MAP3K2: variants seen among roughly 807,000 people sequenced by gnomAD.
MAP3K2 encodes the protein MAP/ERK kinase kinase 2.
In MAP3K2, 24 loss-of-function variants were observed where a neutral mutation model predicts 80.3. The ratio of observed to expected loss-of-function variants is 0.30; its 90% CI spans 0.22 to 0.42. The LOEUF (loss-of-function observed/expected upper bound fraction) is 0.42, where lower values mean the gene tolerates loss of function less well. Ranked by LOEUF, MAP3K2 falls within the 10% of genes least tolerant of loss-of-function variation. The pLI, the probability that MAP3K2 is intolerant of heterozygous loss-of-function variation, is 1.00. For synonymous variants in MAP3K2, 244 were observed against 253.7 expected (o/e 0.96, Z 0.36); for missense variants, 608 against 750.1 (o/e 0.81, Z 2.21).
Position 127,321,234 on chromosome 2 carries a change from A to G in MAP3K2, c.1045+812T>C, listed in dbSNP as rs1686015035. ...TTCAGGCAGAAGGAATTTGATACCCAATAGATCTTGGATCTGTCTTTGTTT... is the reference window on the plus strand; with the variant it reads ...TTCAGGCAGAAGGAATTTGATACCCGATAGATCTTGGATCTGTCTTTGTTT... On this transcript the variant is annotated intron_variant, in intron 12 of 16. Coordinates refer to ENST00000682094, the MANE Select transcript of MAP3K2 (RefSeq NM_001371910.2). The surrounding 1 kb of genome is among the most constrained non-coding windows in gnomAD (Gnocchi z 4.4). Among the ~76,000 whole-genome samples, 1 of 152,250 alleles carries G rather than the reference A, an allele frequency of 6.6e-6. No individual in the cohort carries two copies. Among genetic ancestry groups the G allele is most frequent in the Non-Finnish European group, 1.5e-5 (1 of 68,046 alleles).
At chr2:127,365,323 T>C (rs1686954165) in intron 1 of MAP3K2, among the ~76,000 whole-genome samples, 1 of 151,994 alleles carries the variant, frequency 6.6e-6, no homozygotes, top group Non-Finnish European at 1.5e-5. Flanking sequence ...TGAGCCTTGA[T>C]CCATAAAACA....
intron 4 of MAP3K2, among the ~76,000 whole-genome samples, chr2:127,336,920 C>G (rs771694967): frequency 5.9e-5 from 9 of 152,166 alleles, no homozygotes; most frequent in Non-Finnish European, 1.3e-4. Context: ...GCGGGTGGAT[C>G]ATCTGAGGTC....
At chr2:127,388,074 A>T (rs957335039), upstream of MAP3K2, 7 of 982,504 alleles carry the variant, frequency 7.1e-6, no homozygotes, top group African/African-American at 3.5e-5. Flanking sequence ...CGCCCGGCCC[A>T]GGGGAGTGGG....
rs934511566 is a variant in MAP3K2 at position 127,310,520 on chromosome 2, C to T, written c.1457-1758G>A. 6.6e-6 allele frequency among the ~76,000 whole-genome samples: 1 copy of T among 152,094 alleles called. No individual in the cohort carries two copies. The highest frequency in any genetic ancestry group is 2.4e-5 in the African/African-American group (1 of 41,414). ...CAAAAAAATTAGCTGGGCATGGTAG[C>T]ATGTGCCTGCAGTCCCAGCTACTTG... is the stretch of plus-strand genomic sequence containing the variant. On this transcript the variant is annotated intron_variant, in intron 15 of 16. Transcript: ENST00000682094. This position sits in a 1 kb window ranked among gnomAD's most constrained non-coding sequence, Gnocchi z 4.8.
At chr2:127,317,174 T>G (rs1164498465) in intron 14 of MAP3K2, among the ~76,000 whole-genome samples, 1 of 151,888 alleles carries the variant, frequency 6.6e-6, no homozygotes, top group Non-Finnish European at 1.5e-5. Context: ...TCCTAGCACT[T>G]TGGGAGGCTA....
chr2:127,359,386 T>A (rs1216416678), intron 1 of MAP3K2, among the ~76,000 whole-genome samples: 1 of 152,126 alleles, frequency 6.6e-6, no homozygotes, highest in South Asian at 2.1e-4. Context: ...TAAACTTCCC[T>A]CCTTTTCACC....
chr2:127,330,705 G>A (rs925521726), intron 5 of MAP3K2, among the ~76,000 whole-genome samples, 200 bp from the exon 6 acceptor site: 1 of 152,074 alleles, frequency 6.6e-6, no homozygotes, highest in African/African-American at 2.4e-5. Context: ...GAACATGTAT[G>A]TTTTTAAATT....
At chr2:127,354,946 GA>G (rs749675120) in intron 1 of MAP3K2, among the ~76,000 whole-genome samples, 70 of 151,992 alleles carry the variant, frequency 4.6e-4, no homozygotes, top group Admixed American at 2.4e-3. Context: ...TACACTGAAT[GA>G]AATAACAGTA....
intron 1 of MAP3K2, among the ~76,000 whole-genome samples, chr2:127,352,352 C>T (rs1686705913): frequency 6.6e-6 from 1 of 152,160 alleles, no homozygotes; most frequent in Admixed American, 6.5e-5. Flanking sequence ...TCCATTACAG[C>T]TTCCATGGCA....
intron 1 of MAP3K2, among the ~76,000 whole-genome samples, chr2:127,384,191 G>A (rs532381499): frequency 1.7e-4 from 25 of 145,492 alleles, no homozygotes; most frequent in South Asian, 1.1e-3. Flanking sequence ...CACCGTGCCC[G>A]GCCAACAAAT....
At chr2:127,308,515 G>A (rs980639877) in intron 16 of MAP3K2, 70 bp downstream of exon 16, 1 of 1,355,040 alleles carries the variant, frequency 7.4e-7, no homozygotes, top group African/African-American at 1.5e-5. Flanking sequence ...ATCTGCCTCA[G>A]TAATTCAATC....
intron 2 of MAP3K2, among the ~76,000 whole-genome samples, chr2:127,341,660 G>C (rs1414033751): frequency 6.6e-6 from 1 of 150,936 alleles, no homozygotes; most frequent in Non-Finnish European, 1.5e-5. Context: ...AGCCTCCTGA[G>C]TAGCTGGGAC....
rs565257820 is a variant in MAP3K2 at position 127,321,756 on chromosome 2, T to G, written c.1045+290A>C. Among the ~76,000 whole-genome samples the G allele has an allele frequency of 5.3e-5, 8 of 152,356 alleles. No individual in the cohort carries two copies. In the East Asian group the frequency reaches 1.5e-3, roughly 29 times the overall value. ...TAGATTATGTCTTGGAGATTATGTT[T>G]GAAATCTCAGTGGTAGGCATTCAAC... On this transcript the variant is annotated intron_variant, in intron 12 of 16. Transcript: ENST00000682094. The surrounding 1 kb of genome is among the most constrained non-coding windows in gnomAD (Gnocchi z 4.4).
intron 1 of MAP3K2, among the ~76,000 whole-genome samples, chr2:127,351,625 A>C (rs562587767): frequency 6.6e-6 from 1 of 152,252 alleles, no homozygotes. Context: ...CACTACTCCA[A>C]GCCATAATCC....
chr2:127,370,887 G>C (rs1231295914), intron 1 of MAP3K2, among the ~76,000 whole-genome samples: 2 of 152,118 alleles, frequency 1.3e-5, no homozygotes, highest in African/African-American at 4.8e-5. Context: ...AAATAACAAA[G>C]AGGAAACGGA....
intron 5 of MAP3K2, among the ~76,000 whole-genome samples, chr2:127,332,716 T>G (rs1166003276): frequency 2.0e-5 from 3 of 152,212 alleles, no homozygotes; most frequent in Non-Finnish European, 4.4e-5. Context: ...TTTGTTGATA[T>G]AAATGCTTTC....
At chr2:127,341,929 G>A (rs1044065303) in intron 2 of MAP3K2, among the ~76,000 whole-genome samples, 1 of 152,142 alleles carries the variant, frequency 6.6e-6, no homozygotes, top group Non-Finnish European at 1.5e-5. Flanking sequence ...TATCAGAAAT[G>A]TTGAATTAAA....
intron 5 of MAP3K2, among the ~76,000 whole-genome samples, chr2:127,332,133 A>G (rs1686270575): frequency 6.6e-6 from 1 of 152,220 alleles, no homozygotes; most frequent in Admixed American, 6.6e-5. Context: ...GTTTGGTATC[A>G]TAGAACAAGC....
intron 1 of MAP3K2, among the ~76,000 whole-genome samples, chr2:127,369,112 TA>T (rs1687019436): frequency 2.1e-3 from 2 of 974 alleles, no homozygotes; most frequent in African/African-American, 3.0e-3. Flanking sequence ...CACGCCCAGC[TA>T]TTTTTTTTTT....
Sources: allele counts gnomAD v4.1 joint callset (sites outside exome capture counted in the v4.1 genomes callset), GRCh38; gene constraint gnomAD v4.1.1; non-coding constraint Gnocchi (gnomAD v3.1); transcripts MANE v1.5; gene names NCBI Gene and HGNC (gene_info 2026-07-23, HGNC 2026-07-21).